The following MPP7 variants were observed in gnomAD, a reference collection of about 807,000 sequenced individuals.
MPP7 encodes MAGUK p55 subfamily member 7.
Under a neutral mutation model 76.5 loss-of-function variants are expected in MPP7, and 60 were observed. The observed-to-expected ratio is 0.78, with a 90% CI of 0.64 to 0.97. The LOEUF (loss-of-function observed/expected upper bound fraction) is 0.97, where lower values mean the gene tolerates loss of function less well. MPP7 is among the 50% of genes least tolerant of loss of function. The pLI is 0.00. For missense variants in MPP7, 641 were observed against 694.0 expected (o/e 0.92, Z 0.86); for synonymous variants, 237 against 244.5 (o/e 0.97, Z 0.29).
intron 5 of MPP7, among the ~76,000 whole-genome samples, chr10:28,139,021 C>T (rs182412287): frequency 1.4e-3 from 212 of 152,268 alleles, no homozygotes; most frequent in African/African-American, 4.9e-3. Context: ...GCAGTTACCA[C>T]TGTTACTGCC....
intron 3 of MPP7, among the ~76,000 whole-genome samples, chr10:28,177,260 CAAA>C (rs57984876): frequency 0.17 from 17,692 of 104,288 alleles, 2,025 homozygotes; most frequent in African/African-American, 0.38. Context: ...ACTAAAAATG[CAAA>C]AAAAAAAAAA....
chr10:28,155,503 CTGAT>C (rs1214705280), intron 3 of MPP7, among the ~76,000 whole-genome samples: 5 of 148,898 alleles, frequency 3.4e-5, no homozygotes, highest in East Asian at 2.1e-4. Context: ...AGTGGGCAGA[CTGAT>C]TGATTGATTG....
chr10:28,066,453 A>G (rs942924979), intron 13 of MPP7, among the ~76,000 whole-genome samples: 1 of 152,240 alleles, frequency 6.6e-6, no homozygotes, highest in African/African-American at 2.4e-5. Context: ...GACAGGTCCC[A>G]TGTAAAATCA....
intron 1 of MPP7, among the ~76,000 whole-genome samples, chr10:28,284,357 C>A (rs1392547248): frequency 2.6e-5 from 4 of 152,144 alleles, no homozygotes; most frequent in Non-Finnish European, 5.9e-5. Context: ...TCACTCAAAT[C>A]ATGAGAAGGA....
intron 3 of MPP7, among the ~76,000 whole-genome samples, chr10:28,150,992 T>C (rs994881584): frequency 6.6e-6 from 1 of 152,218 alleles, no homozygotes; most frequent in Admixed American, 6.5e-5. Context: ...TTAGTCTCTT[T>C]TTATTTATAG....
At chr10:28,210,648 A>G (rs1838102608) in intron 2 of MPP7, among the ~76,000 whole-genome samples, 1 of 152,240 alleles carries the variant, frequency 6.6e-6, no homozygotes. Context: ...AAAGACACAT[A>G]AAGATGTTTT....
chr10:28,115,390 G>A (rs111290906), intron 11 of MPP7, among the ~76,000 whole-genome samples: 4,514 of 152,066 alleles, frequency 0.03, 130 homozygotes, highest in East Asian at 0.12. Context: ...GGCGTGAGCC[G>A]CTGTGCCCGG....
At chr10:28,201,366 T>C (rs1837766114) in intron 3 of MPP7, among the ~76,000 whole-genome samples, 1 of 152,148 alleles carries the variant, frequency 6.6e-6, no homozygotes, top group Admixed American at 6.5e-5. Context: ...AATTTAAAAA[T>C]ATAGGTCCAG....
At chr10:28,279,624 G>C (rs1840607419) in intron 1 of MPP7, among the ~76,000 whole-genome samples, 2 of 151,354 alleles carry the variant, frequency 1.3e-5, no homozygotes, top group Admixed American at 1.3e-4. Flanking sequence ...AGAATCACTT[G>C]AACCCAGGAT....
At chr10:28,187,440 C>G (rs1457145720) in intron 3 of MPP7, among the ~76,000 whole-genome samples, 1 of 152,164 alleles carries the variant, frequency 6.6e-6, no homozygotes, top group Non-Finnish European at 1.5e-5. Flanking sequence ...TTTGATTGGC[C>G]AAGGAGCGTT....
chr10:28,253,499 T>G (rs945458070), intron 1 of MPP7, among the ~76,000 whole-genome samples: 2 of 152,174 alleles, frequency 1.3e-5, no homozygotes, highest in African/African-American at 2.4e-5. Context: ...ATAACAAATC[T>G]GTGCTAACAC....
intron 3 of MPP7, among the ~76,000 whole-genome samples, chr10:28,197,375 G>A (rs1004922936): frequency 6.6e-6 from 1 of 151,808 alleles, no homozygotes; most frequent in Admixed American, 6.6e-5. Context: ...TAGAGACAGG[G>A]TTTCACCATT....
chr10:28,152,188 C>A (rs1214687722), intron 3 of MPP7, among the ~76,000 whole-genome samples: 1 of 152,188 alleles, frequency 6.6e-6, no homozygotes, highest in East Asian at 1.9e-4. Flanking sequence ...CTTCCATCAT[C>A]TTCTCCAGAT....
intron 12 of MPP7, among the ~76,000 whole-genome samples, chr10:28,073,822 G>A (rs1852355891): frequency 6.6e-6 from 1 of 151,828 alleles, no homozygotes. Flanking sequence ...TGTGTGATCT[G>A]AACCCTGCCC....
At chr10:28,143,104 GA>G (rs373932686) in intron 5 of MPP7, among the ~76,000 whole-genome samples, 5,751 of 150,094 alleles carry the variant, frequency 0.038, 159 homozygotes, top group Middle Eastern at 0.083. Context: ...AATATTAAAA[GA>G]AAAAAAAATC....
At position 28,184,836 on chromosome 10, in the gene MPP7, CTATT is replaced by C. The variant is rs202049651; in HGVS notation, c.156+17313_156+17316del. Among the ~76,000 whole-genome samples the C allele has an allele frequency of 5.5e-4, 55 of 100,308 alleles. No individual in the cohort carries two copies. In the East Asian group the frequency reaches 6.6e-3, roughly 12 times the overall value. 65.8% of individuals were successfully genotyped at this position (100,308 alleles called of 152,430 possible). On this transcript the variant is annotated intron_variant, in intron 3 of 16. Coordinates refer to ENST00000683449, the MANE Select transcript of MPP7 (RefSeq NM_001318170.2). ...TATTAATATATTAAGGTAAACATAT[CTATT>C]TATTTTAACTTAATATATTATGATT...
chr10:28,257,127 C>A (rs1019614466), intron 1 of MPP7, among the ~76,000 whole-genome samples: 2 of 152,148 alleles, frequency 1.3e-5, no homozygotes, highest in African/African-American at 4.8e-5. Context: ...TCAAACCTAT[C>A]CCTTTCCAAG....
At chr10:28,177,407 CAA>C (rs374281842) in intron 3 of MPP7, among the ~76,000 whole-genome samples, 13 of 126,640 alleles carry the variant, frequency 1.0e-4, no homozygotes, top group East Asian at 2.2e-4. Flanking sequence ...GACTCCATTT[CAA>C]AAAAAAAAAA....
chr10:28,190,580 T>C (rs1837381496), intron 3 of MPP7, among the ~76,000 whole-genome samples: 2 of 152,070 alleles, frequency 1.3e-5, no homozygotes, highest in African/African-American at 4.8e-5. Flanking sequence ...AACACATGGG[T>C]CAAAGAAGAA....
Sources: gnomAD v4.1 joint callset for allele counts (sites outside exome capture counted in the v4.1 genomes callset) on GRCh38, gnomAD v4.1.1 for gene constraint, MANE v1.5 for transcripts, NCBI Gene and HGNC (gene_info 2026-07-23, HGNC 2026-07-21) for gene names.